The following DRD2 variants were observed in gnomAD, a reference collection of about 807,000 sequenced individuals.
DRD2 encodes the protein D(2) dopamine receptor.
DRD2 carries 8 observed loss-of-function variants against 38.0 expected under a neutral mutation model. The observed-to-expected ratio is 0.21, with a 90% confidence interval of 0.12 to 0.38. The LOEUF (loss-of-function observed/expected upper bound fraction) is 0.38, where lower values mean the gene tolerates loss of function less well. Among genes scored for constraint, DRD2 ranks in the 10% least tolerant of loss-of-function variants. The probability of loss-of-function intolerance (pLI) is 1.00; values close to 1 mark genes in which losing one functional copy is unlikely to be tolerated. For synonymous variants in DRD2, 230 were observed against 238.6 expected, an observed-to-expected ratio of 0.96 and a Z score of 0.33; for missense variants, 403 against 607.7, an observed-to-expected ratio of 0.66 and a Z score of 3.54.
chr11:113,431,871 C>G (rs1201313702), intron 1 of DRD2, among the ~76,000 whole-genome samples: 1 of 152,210 alleles, frequency 6.6e-6, no homozygotes, highest in East Asian at 1.9e-4. Context: ...ACTGGAAGAG[C>G]CCAGATACCC....
intron 1 of DRD2, among the ~76,000 whole-genome samples, chr11:113,427,440 G>A (rs184337032): frequency 1.3e-5 from 2 of 152,232 alleles, no homozygotes; most frequent in Admixed American, 1.3e-4. Flanking sequence ...CTGTTTAGGA[G>A]TCTCTTTTTT....
chr11:113,417,959 T>G, intron 3 of DRD2, 68 bp downstream of exon 3: 332 of 1,322,134 alleles, frequency 2.5e-4, no homozygotes, highest in Non-Finnish European at 3.2e-4. Context: ...AGCCTGGCTT[T>G]GAGAAAAGCT....
At chr11:113,455,046 A>G (rs1951255371) in intron 1 of DRD2, among the ~76,000 whole-genome samples, 1 of 152,120 alleles carries the variant, frequency 6.6e-6, no homozygotes, top group African/African-American at 2.4e-5. Context: ...TATAGGGGAA[A>G]AGCTATAAGA....
rs147347002 is a variant in DRD2 at position 113,416,879 on chromosome 11, G to A, written c.516C>T (p.Phe172=). The A allele has an allele frequency of 1.3e-4, 208 of 1,614,104 alleles. 1 individual carries two copies. In the African/African-American group the frequency reaches 2.3e-3, roughly 18 times the overall value. Residue 172 remains phenylalanine (F), a synonymous_variant, in exon 4 of 8, where the codon TTC becomes TTT. Transcript: ENST00000362072. ...AGAATGTACCTGCGTTATTGAGTCC[G>A]AAGAGGAGTGGGCAGGAGATGGTGA... ...LSFTISCPLL[F]GLNNADQNEC...
At chr11:113,416,510 C>T (rs919275876) in intron 4 of DRD2, among the ~76,000 whole-genome samples, 4 of 152,334 alleles carry the variant, frequency 2.6e-5, no homozygotes, top group Admixed American at 6.5e-5. Context: ...CAGTAGCCTC[C>T]GCCATCCCAT....
chr11:113,447,376 C>T (rs1951161628), intron 1 of DRD2, among the ~76,000 whole-genome samples: 1 of 151,924 alleles, frequency 6.6e-6, no homozygotes, highest in African/African-American at 2.4e-5. Flanking sequence ...CTGGCACACC[C>T]CTGTTACACA....
rs978179758 is a variant in DRD2, at chr11:113,467,134, A to T, written c.-32+7942T>A. ...GCTTGTCAACACATGTCTCTTATTGACCCTGCCATAAATGAGTGAAAGAGT... is the reference window on the plus strand; with the variant it reads ...GCTTGTCAACACATGTCTCTTATTGTCCCTGCCATAAATGAGTGAAAGAGT... On this transcript the variant is annotated intron_variant, in intron 1 of 7. Transcript: ENST00000362072. 4.6e-5 allele frequency among the ~76,000 whole-genome samples: 7 copies of T among 152,190 alleles called. No individual in the cohort carries two copies. In the East Asian group the frequency reaches 1.4e-3, roughly 29 times the overall value.
Position 113,412,577 on chromosome 11 carries a change from G to T in DRD2, c.1117C>A (p.Gln373Lys). The change falls in exon 7 of 8, where the codon CAG (glutamine) becomes AAG (lysine). Residue 373 changes from glutamine to lysine, a missense_variant. By Grantham distance (53) the Gln-to-Lys change is moderately conservative (BLOSUM62 1). This residue lies in a region of DRD2 where 67 missense variants were observed against 136.1 expected (regional missense o/e 0.49). Transcript: ENST00000362072. ...LSQQKEKKAT[Q>K]MLAIVLGVFI... ...TCACCGAGAACAATGGCGAGCATCTGAGTGGCTTTCTTCTCCTTCTGCTGG... is the reference window on the plus strand; with the variant it reads ...TCACCGAGAACAATGGCGAGCATCTTAGTGGCTTTCTTCTCCTTCTGCTGG... 6.2e-7 allele frequency: 1 copy of T among 1,614,008 alleles called. No homozygotes were observed. Among genetic ancestry groups the T allele is most frequent in the South Asian group, 1.1e-5 (1 of 91,076 alleles).
At chr11:113,439,259 C>T (rs1410764858) in intron 1 of DRD2, among the ~76,000 whole-genome samples, 1 of 152,112 alleles carries the variant, frequency 6.6e-6, no homozygotes, top group Non-Finnish European at 1.5e-5. Context: ...AGGAAGGCTA[C>T]CAGTTTTGTA....
At chr11:113,455,642 T>C (rs965306196) in intron 1 of DRD2, among the ~76,000 whole-genome samples, 1 of 151,962 alleles carries the variant, frequency 6.6e-6, no homozygotes, top group Non-Finnish European at 1.5e-5. Flanking sequence ...TAGGCATTTG[T>C]CAAAAAAAAG....
rs373824612 is a variant in DRD2 at position 113,426,819 on chromosome 11, T to C, written c.-31-2137A>G. ...GGTAATGAAGCATATGTCATATTGA[T>C]GCTGTATTCTGCAAAACCAACTGAG... On this transcript the variant is annotated intron_variant, in intron 1 of 7. Transcript: ENST00000362072. Among the ~76,000 whole-genome samples, 37 of 152,346 alleles carry C rather than the reference T, an allele frequency of 2.4e-4. 2 individuals carry two copies. In the South Asian group the frequency reaches 7.5e-3, roughly 31 times the overall value.
Position 113,428,529 on chromosome 11 carries a change from G to A in DRD2, c.-31-3847C>T, listed in dbSNP as rs190527179. Among the ~76,000 whole-genome samples the A allele has an allele frequency of 3.3e-5, 5 of 152,342 alleles. No individual in the cohort carries two copies. In the East Asian group the frequency reaches 5.8e-4, roughly 18 times the overall value. On this transcript the variant is annotated intron_variant, in intron 1 of 7. Coordinates refer to ENST00000362072, the MANE Select transcript of DRD2 (RefSeq NM_000795.4). ...AGGGGGATCTGGGTGGCACTCCACC[G>A]TGTCCACTACAGTTGATGTTCAGGA... is the stretch of plus-strand genomic sequence containing the variant.
At chr11:113,449,343 G>A (rs1210760490) in intron 1 of DRD2, among the ~76,000 whole-genome samples, 1 of 152,158 alleles carries the variant, frequency 6.6e-6, no homozygotes, top group African/African-American at 2.4e-5. Context: ...AGGTAATATT[G>A]TAAAGTTGAG....
At chr11:113,459,009 G>A (rs916469522) in intron 1 of DRD2, among the ~76,000 whole-genome samples, 3 of 152,112 alleles carry the variant, frequency 2.0e-5, no homozygotes, top group Admixed American at 2.0e-4. Context: ...TATGATCTGG[G>A]GCAGCATGGA....
intron 1 of DRD2, among the ~76,000 whole-genome samples, chr11:113,428,906 C>T (rs776012004): frequency 7.2e-5 from 11 of 152,132 alleles, no homozygotes; most frequent in Non-Finnish European, 1.3e-4. Context: ...GGATTACAGG[C>T]ACTAGTCTAG....
intron 1 of DRD2, among the ~76,000 whole-genome samples, chr11:113,437,305 G>A (rs1400864929): frequency 6.6e-6 from 1 of 152,142 alleles, no homozygotes; most frequent in Non-Finnish European, 1.5e-5. Context: ...ACCAGGAGTT[G>A]AGTATGGATC....
rs1184117474 is a variant in DRD2, at chr11:113,452,480, G to GCA, written c.-32+22595_-32+22596insTG. Among the ~76,000 whole-genome samples, 9 of 63,630 alleles carry GCA rather than the reference G, an allele frequency of 1.4e-4. No individual in the cohort carries two copies. In the South Asian group the frequency reaches 1.4e-3, roughly 10 times the overall value. The allele number at this position is 63,630 out of a possible 152,430, so 41.7% of individuals were successfully genotyped here. On this transcript the variant is annotated intron_variant, in intron 1 of 7. Transcript: ENST00000362072. Reference sequence around the variant, plus strand: ...TGTGTGTGTGTGTGTGCGCGCGCGCGCGCGCGCACATTGGGGGACAGGAAA... The same window carrying GCA: ...TGTGTGTGTGTGTGTGCGCGCGCGCGCACGCGCGCACATTGGGGGACAGGAAA...
At chr11:113,456,483 G>C (rs192798151) in intron 1 of DRD2, among the ~76,000 whole-genome samples, 1 of 152,060 alleles carries the variant, frequency 6.6e-6, no homozygotes, top group Non-Finnish European at 1.5e-5. Flanking sequence ...TCATTTGCTC[G>C]TTCCACAATA....
intron 1 of DRD2, among the ~76,000 whole-genome samples, chr11:113,431,617 T>G (rs1306726909): frequency 6.6e-6 from 1 of 152,228 alleles, no homozygotes; most frequent in African/African-American, 2.4e-5. Flanking sequence ...AAGTTCTTCC[T>G]AACATCTAGC....
Sources: allele counts gnomAD v4.1 joint callset (sites outside exome capture counted in the v4.1 genomes callset), GRCh38; gene constraint gnomAD v4.1.1; regional missense constraint gnomAD v4.1.1; transcripts MANE v1.5; gene names NCBI Gene and HGNC (gene_info 2026-07-23, HGNC 2026-07-21).